EPB41L2: variants seen among roughly 807,000 people sequenced by gnomAD.
EPB41L2 encodes band 4.1-like protein 2.
A neutral mutation model predicts 113.0 loss-of-function variants in EPB41L2; 43 were observed. The observed-to-expected ratio is 0.38, with a 90% CI of 0.30 to 0.49. The LOEUF (loss-of-function observed/expected upper bound fraction) is 0.49. Ranked by LOEUF, EPB41L2 falls within the 20% of genes least tolerant of loss-of-function variation. EPB41L2 has a pLI of 0.95. For synonymous variants in EPB41L2, 442 were observed against 436.7 expected, an observed-to-expected ratio of 1.01 and a Z score of -0.15; for missense variants, 1,147 against 1,223.4, an observed-to-expected ratio of 0.94 and a Z score of 0.93.
chr6:130,842,024 A>C (rs1305795006), intron 19 of EPB41L2, among the ~76,000 whole-genome samples: 1 of 152,198 alleles, frequency 6.6e-6, no homozygotes, highest in African/African-American at 2.4e-5. Flanking sequence ...AATGATAGGT[A>C]ATCACAAAGG....
At position 130,955,285 on chromosome 6, in the gene EPB41L2, C is replaced by G; in HGVS notation, c.525G>C (p.Glu175Asp). The change falls in exon 3 of 20, where the codon GAG becomes GAC. Residue 175 changes from glutamate to aspartate, a missense_variant. Glu to Asp is a conservative substitution (Grantham distance 45). Transcript: ENST00000337057. ...PTELVSKERE[E>D]KVKETQEDKL... is the part of the protein sequence containing the mutation. ...TGTCTTCCTGTGTTTCTTTTACCTT[C>G]TCTTCTCTCTCCTTACTTACTAATT... 1 of 1,613,622 alleles carries G rather than the reference C, an allele frequency of 6.2e-7. No individual in the cohort carries two copies. The highest frequency in any genetic ancestry group is 2.2e-5 in the East Asian group (1 of 44,812).
In EPB41L2 at chr6:130,956,179, T is replaced by C; in HGVS notation, c.307A>G (p.Thr103Ala). The change falls in exon 2 of 20, where the codon ACC becomes GCC. Residue 103 changes from threonine (T) to alanine (A), a missense_variant. Thr to Ala is a moderately conservative substitution (Grantham distance 58, BLOSUM62 0). Transcript: ENST00000337057. ...AKDGGDKKEP[T>A]QAVVEEQVLD... ...ACCTGTTCTTCAACAACAGCTTGGG[T>C]AGGCTCTTTTTTATCTCCTCCATCT... The C allele has an allele frequency of 6.2e-7, 1 of 1,614,164 alleles. No individual in the cohort carries two copies. The highest frequency in any genetic ancestry group is 1.1e-5 in the South Asian group (1 of 91,084).
intron 7 of EPB41L2, among the ~76,000 whole-genome samples, chr6:130,900,391 A>G (rs550093850): frequency 6.6e-6 from 1 of 152,348 alleles, no homozygotes; most frequent in African/African-American, 2.4e-5. Flanking sequence ...TTTGTGTAAA[A>G]AGTCCATTTT....
At chr6:131,028,262 G>C (rs1010942179) in intron 1 of EPB41L2, among the ~76,000 whole-genome samples, 43 of 152,198 alleles carry the variant, frequency 2.8e-4, no homozygotes, top group African/African-American at 9.9e-4. Flanking sequence ...AGCCTTTCAT[G>C]ATGGGCACAA....
At chr6:130,889,005 TA>T (rs1373325220) in intron 11 of EPB41L2, among the ~76,000 whole-genome samples, 1 of 152,200 alleles carries the variant, frequency 6.6e-6, no homozygotes, top group Non-Finnish European at 1.5e-5. Context: ...AATCCTTCAC[TA>T]TTAAGAAAGC....
intron 1 of EPB41L2, among the ~76,000 whole-genome samples, chr6:130,983,842 T>C (rs1779923553): frequency 6.6e-6 from 1 of 152,212 alleles, no homozygotes; most frequent in Non-Finnish European, 1.5e-5. Context: ...CTACAGATTT[T>C]ATAAACACTG....
intron 12 of EPB41L2, among the ~76,000 whole-genome samples, chr6:130,883,941 A>T (rs1790091694): frequency 1.3e-5 from 2 of 152,142 alleles, no homozygotes; most frequent in South Asian, 4.1e-4. Context: ...TGGGCCTCAG[A>T]GGCTATCAGT....
intron 19 of EPB41L2, among the ~76,000 whole-genome samples, chr6:130,843,338 A>G (rs781263304): frequency 3.2e-4 from 48 of 152,302 alleles, no homozygotes; most frequent in Non-Finnish European, 6.2e-4. Flanking sequence ...AGAATTTGGG[A>G]CTAAATGATT....
chr6:130,922,192 C>T (rs1803086047), intron 4 of EPB41L2, among the ~76,000 whole-genome samples: 1 of 152,246 alleles, frequency 6.6e-6, no homozygotes, highest in Non-Finnish European at 1.5e-5. Context: ...TTGAGCAGCA[C>T]TGGCACAGAC....
intron 1 of EPB41L2, among the ~76,000 whole-genome samples, chr6:130,964,902 C>G (rs537342820): frequency 6.6e-6 from 1 of 152,286 alleles, no homozygotes; most frequent in South Asian, 2.1e-4. Context: ...AAACCCAGGC[C>G]GTCCAGCTCT....
intron 3 of EPB41L2, among the ~76,000 whole-genome samples, chr6:130,941,528 T>C (rs1810889695): frequency 6.6e-6 from 1 of 152,232 alleles, no homozygotes; most frequent in Admixed American, 6.5e-5. Context: ...TGTAAACTAT[T>C]TGCCTAGAAT....
At chr6:130,852,524 C>T (rs1048439314) in intron 19 of EPB41L2, among the ~76,000 whole-genome samples, 4 of 152,118 alleles carry the variant, frequency 2.6e-5, no homozygotes, top group African/African-American at 4.8e-5. Flanking sequence ...ATGTATTGCA[C>T]GATTCAAATT....
At chr6:131,053,139 G>A (rs1473927129) in intron 1 of EPB41L2, among the ~76,000 whole-genome samples, 1 of 151,864 alleles carries the variant, frequency 6.6e-6, no homozygotes, top group Non-Finnish European at 1.5e-5. Context: ...CAGGTGATCT[G>A]CCCGCCTCGG....
At chr6:131,050,913 T>C (rs1222039139) in intron 1 of EPB41L2, among the ~76,000 whole-genome samples, 8 of 152,184 alleles carry the variant, frequency 5.3e-5, no homozygotes, top group Non-Finnish European at 1.5e-5. Flanking sequence ...TTCAAGTATA[T>C]GTGTGACAAC....
chr6:131,027,233 G>GT (rs1452709275), intron 1 of EPB41L2, among the ~76,000 whole-genome samples: 7 of 151,990 alleles, frequency 4.6e-5, no homozygotes, highest in South Asian at 4.1e-4. Context: ...TTTTTTGTTT[G>GT]TTTTTTTGTC....
intron 1 of EPB41L2, among the ~76,000 whole-genome samples, chr6:131,036,775 T>G (rs1036120033): frequency 1.3e-5 from 2 of 152,178 alleles, no homozygotes; most frequent in Non-Finnish European, 2.9e-5. Context: ...TGAATACCAT[T>G]GCCTAAACAA....
At chr6:130,906,406 T>A (rs1434189793) in intron 5 of EPB41L2, among the ~76,000 whole-genome samples, 2 of 152,192 alleles carry the variant, frequency 1.3e-5, no homozygotes, top group Non-Finnish European at 2.9e-5. Context: ...ATGGCTAAAT[T>A]GACCTAATTA....
At position 130,863,734 on chromosome 6, in the gene EPB41L2, G is replaced by A. The variant is rs1554241015; in HGVS notation, c.2830-16C>T. On this transcript the variant is annotated splice_polypyrimidine_tract_variant and intron_variant, in intron 17 of 19. Coordinates refer to ENST00000337057, the MANE Select transcript of EPB41L2 (RefSeq NM_001431.4). Reference sequence around the variant, plus strand: ...CTTTTACAGTCTAAAGGTCATAAAGGAGAAGAAGAAAAAACAGCAATCACT... The same window carrying A: ...CTTTTACAGTCTAAAGGTCATAAAGAAGAAGAAGAAAAAACAGCAATCACT... The A allele has an allele frequency of 1.3e-6, 2 of 1,596,462 alleles. No individual in the cohort carries two copies. Among genetic ancestry groups the A allele is most frequent in the South Asian group, 2.2e-5 (2 of 90,114 alleles).
chr6:130,850,571 A>C (rs1778503223), intron 19 of EPB41L2, among the ~76,000 whole-genome samples: 2 of 152,168 alleles, frequency 1.3e-5, no homozygotes, highest in Non-Finnish European at 2.9e-5. Flanking sequence ...GTGAGTGTCT[A>C]CATGTGTGTA....
Sources: allele counts gnomAD v4.1 joint callset (sites outside exome capture counted in the v4.1 genomes callset), GRCh38; gene constraint gnomAD v4.1.1; transcripts MANE v1.5; gene names NCBI Gene and HGNC (gene_info 2026-07-23, HGNC 2026-07-21).